The following ZRANB3 variants were observed in gnomAD, a reference collection of about 807,000 sequenced individuals.
The protein encoded by ZRANB3 is zinc finger RANBP2-type containing 3, also known as DNA annealing helicase and endonuclease ZRANB3.
A neutral mutation model predicts 133.8 loss-of-function variants in ZRANB3; 125 were observed. That is an observed-to-expected ratio of 0.93 (90% CI 0.81 to 1.08). The LOEUF is 1.08. ZRANB3 is among the 50% of genes least tolerant of loss of function. The pLI, the probability that ZRANB3 is intolerant of heterozygous loss-of-function variation, is 0.00. For missense variants in ZRANB3, 1,229 were observed against 1,275.5 expected, an observed-to-expected ratio of 0.96 and a Z score of 0.56; for synonymous variants, 387 against 432.7, an observed-to-expected ratio of 0.89 and a Z score of 1.31.
intron 11 of ZRANB3, 26 bp downstream of exon 11, chr2:135,268,936 T>G: frequency 1.3e-6 from 2 of 1,581,338 alleles, no homozygotes; most frequent in Non-Finnish European, 1.7e-6. Flanking sequence ...AGTAAGCTGC[T>G]AACTTGATTT....
intron 2 of ZRANB3, among the ~76,000 whole-genome samples, chr2:135,449,967 A>G (rs936746682): frequency 3.3e-5 from 5 of 152,132 alleles, no homozygotes; most frequent in African/African-American, 1.2e-4. Flanking sequence ...TGTGTTGTCT[A>G]GGCTGGTCTC....
Position 135,351,399 on chromosome 2 carries a change from C to T in ZRANB3, c.360-1184G>A, listed in dbSNP as rs371688857. ...TCTCCTGTCTCAGCCTCCCGAGTAG[C>T]TGGGACTACAGGTGCCCATCACCAC... On this transcript the variant is annotated intron_variant, in intron 4 of 20. Transcript: ENST00000264159. 6.6e-5 allele frequency among the ~76,000 whole-genome samples: 10 copies of T among 151,490 alleles called. No individual in the cohort carries two copies. The South Asian group carries it at 2.1e-3, about 31-fold the overall frequency.
intron 2 of ZRANB3, among the ~76,000 whole-genome samples, chr2:135,435,694 G>A (rs1558997895): frequency 6.6e-6 from 1 of 152,112 alleles, no homozygotes; most frequent in Non-Finnish European, 1.5e-5. Flanking sequence ...TCTGACTGGT[G>A]TGAGATGGTA....
chr2:135,522,354 C>T (rs1018275914), intron 1 of ZRANB3, among the ~76,000 whole-genome samples: 2 of 152,128 alleles, frequency 1.3e-5, no homozygotes, highest in African/African-American at 2.4e-5. Context: ...AGCAAGCCTC[C>T]GATGCTCCAG....
intron 6 of ZRANB3, among the ~76,000 whole-genome samples, chr2:135,329,736 G>A (rs940743615): frequency 6.6e-6 from 1 of 152,122 alleles, no homozygotes; most frequent in Non-Finnish European, 1.5e-5. Context: ...TTATTTCACT[G>A]AGCAGTGGTT....
chr2:135,443,316 T>C (rs191050500), intron 2 of ZRANB3, among the ~76,000 whole-genome samples: 1,566 of 141,054 alleles, frequency 0.011, 27 homozygotes, highest in African/African-American at 0.039. Context: ...TAAGTGGCAG[T>C]TGAACAATGA....
intron 2 of ZRANB3, among the ~76,000 whole-genome samples, chr2:135,406,158 G>A (rs1399246714): frequency 6.6e-6 from 1 of 152,138 alleles, no homozygotes; most frequent in African/African-American, 2.4e-5. Context: ...CGATCCCACA[G>A]AAACACAAAC....
intron 2 of ZRANB3, among the ~76,000 whole-genome samples, chr2:135,419,790 G>A (rs2104967346): frequency 6.6e-6 from 1 of 151,242 alleles, no homozygotes; most frequent in African/African-American, 2.4e-5. Flanking sequence ...ATACCCAGAA[G>A]TATTATTTTA....
chr2:135,382,733 C>T (rs1169611899), intron 3 of ZRANB3, among the ~76,000 whole-genome samples: 1 of 152,050 alleles, frequency 6.6e-6, no homozygotes, highest in Non-Finnish European at 1.5e-5. Context: ...TCATATGCAG[C>T]GAAACTAAGC....
chr2:135,314,013 C>T (rs190354215), intron 7 of ZRANB3, among the ~76,000 whole-genome samples: 8 of 152,188 alleles, frequency 5.3e-5, no homozygotes, highest in East Asian at 3.9e-4. Flanking sequence ...TACAGGCATG[C>T]GCCACCACGC....
At chr2:135,461,565 C>T (rs1466054818) in intron 2 of ZRANB3, among the ~76,000 whole-genome samples, 1 of 152,122 alleles carries the variant, frequency 6.6e-6, no homozygotes, top group African/African-American at 2.4e-5. Flanking sequence ...GAGCAAAACT[C>T]CATCTTAAAC....
At chr2:135,424,524 G>C (rs1688991386) in intron 2 of ZRANB3, among the ~76,000 whole-genome samples, 1 of 152,204 alleles carries the variant, frequency 6.6e-6, no homozygotes, top group African/African-American at 2.4e-5. Context: ...CTTGAGGTCA[G>C]GCATTCAATA....
intron 2 of ZRANB3, among the ~76,000 whole-genome samples, chr2:135,400,514 C>T (rs1687690819): frequency 6.6e-6 from 1 of 152,020 alleles, no homozygotes; most frequent in Admixed American, 6.6e-5. Flanking sequence ...ACCATGTTGG[C>T]CAGGCTGGTC....
chr2:135,382,552 A>G (rs1333786073), intron 3 of ZRANB3, among the ~76,000 whole-genome samples: 5 of 152,208 alleles, frequency 3.3e-5, no homozygotes, highest in Non-Finnish European at 7.3e-5. Context: ...CAGATTCACC[A>G]AAGTTGAAAT....
chr2:135,283,603 G>A lies in ZRANB3; in HGVS notation c.967-7848C>T, dbSNP rs747245735. Among the ~76,000 whole-genome samples, 24 of 146,378 alleles carry A rather than the reference G, an allele frequency of 1.6e-4. 1 individual carries two copies. Among genetic ancestry groups the A allele is most frequent in the Non-Finnish European group, 3.0e-4 (20 of 67,332 alleles). ...CTGCACTCCAGCCTGGTGACAGAGC[G>A]AGACTCTGTCTAAAAAAAAAAAAAA... On this transcript the variant is annotated intron_variant, in intron 8 of 20. Transcript: ENST00000264159.
chr2:135,438,469 C>A (rs1209816682), intron 2 of ZRANB3, among the ~76,000 whole-genome samples: 3 of 145,738 alleles, frequency 2.1e-5, no homozygotes, highest in African/African-American at 5.1e-5. Flanking sequence ...TGCACCATTG[C>A]ACTCTAGCAT....
chr2:135,351,604 T>C (rs1685212119), intron 4 of ZRANB3, among the ~76,000 whole-genome samples: 1 of 152,188 alleles, frequency 6.6e-6, no homozygotes, highest in Non-Finnish European at 1.5e-5. Flanking sequence ...AGTAATAGGT[T>C]ATTTAATATT....
At chr2:135,404,305 T>C (rs1320237561) in intron 2 of ZRANB3, among the ~76,000 whole-genome samples, 2 of 152,128 alleles carry the variant, frequency 1.3e-5, no homozygotes, top group African/African-American at 4.8e-5. Flanking sequence ...GTGACAAATG[T>C]ACAAGTCTCA....
At chr2:135,475,146 G>A (rs1399530744) in intron 2 of ZRANB3, among the ~76,000 whole-genome samples, 1 of 152,066 alleles carries the variant, frequency 6.6e-6, no homozygotes, top group Non-Finnish European at 1.5e-5. Context: ...CACTTACCCA[G>A]TAGCCAGTTT....
Sources: allele counts gnomAD v4.1 joint callset (sites outside exome capture counted in the v4.1 genomes callset), GRCh38; gene constraint gnomAD v4.1.1; transcripts MANE v1.5; gene names NCBI Gene and HGNC (gene_info 2026-07-23, HGNC 2026-07-21).